The following ASRGL1 variants were observed in gnomAD, a reference collection of about 807,000 sequenced individuals.
ASRGL1 encodes isoaspartyl peptidase/L-asparaginase.
Under a neutral mutation model 22.4 loss-of-function variants are expected in ASRGL1, and 16 were observed. That is an observed-to-expected ratio of 0.71 (90% CI 0.48 to 1.08). The LOEUF is 1.08. Ranked by LOEUF, ASRGL1 falls within the 50% of genes least tolerant of loss-of-function variation. ASRGL1 has a pLI of 0.00. For missense variants in ASRGL1, 412 were observed against 410.1 expected, an observed-to-expected ratio of 1.00 and a Z score of -0.04; for synonymous variants, 165 against 159.3, an observed-to-expected ratio of 1.04 and a Z score of -0.27.
chr11:62,343,911 T>C (rs912246630), intron 2 of ASRGL1, among the ~76,000 whole-genome samples: 1 of 146,428 alleles, frequency 6.8e-6, no homozygotes, highest in Non-Finnish European at 1.5e-5. Context: ...TTTTTTGTCA[T>C]GCATTTCTTT....
chr11:62,355,142 T>A (rs1946250619), intron 2 of ASRGL1, among the ~76,000 whole-genome samples: 1 of 152,114 alleles, frequency 6.6e-6, no homozygotes, highest in South Asian at 2.1e-4. Flanking sequence ...GGTCTCAAAC[T>A]TCTGACCTCG....
chr11:62,378,146 A>G (rs1382551632), intron 4 of ASRGL1, among the ~76,000 whole-genome samples: 1 of 152,136 alleles, frequency 6.6e-6, no homozygotes, highest in African/African-American at 2.4e-5. Context: ...AAGTCATTTA[A>G]TGTTTTTAAT....
In ASRGL1 at chr11:62,392,399, G is replaced by A. The variant is rs553234061; in HGVS notation, c.*115G>A. The A allele has an allele frequency of 1.2e-5, 15 of 1,266,534 alleles. No homozygotes were observed. The South Asian group carries it at 1.9e-4, about 16-fold the overall frequency. 78.5% of individuals were successfully genotyped at this position (1,266,534 alleles called of 1,614,324 possible). The stretch of plus-strand genomic sequence containing the variant: ...GGAAAAATTGTCCCGTCTGTCACTT[G>A]TTTTGTTGCCTTAATAAGCATCTGA... On this transcript the variant is annotated 3_prime_UTR_variant, in exon 7 of 7. Coordinates refer to ENST00000415229, the MANE Select transcript of ASRGL1 (RefSeq NM_001083926.2).
At chr11:62,345,090 A>G (rs1422778318) in intron 2 of ASRGL1, among the ~76,000 whole-genome samples, 1 of 152,162 alleles carries the variant, frequency 6.6e-6, no homozygotes, top group Non-Finnish European at 1.5e-5. Context: ...CATTGTGTAT[A>G]TGTATCATTT....
chr11:62,372,637 T>TAA, intron 4 of ASRGL1: 1 of 916,646 alleles, frequency 1.1e-6, no homozygotes, highest in Non-Finnish European at 1.8e-6. Context: ...CACATGCTGG[T>TAA]CCTGGACTCC....
At chr11:62,400,966 C>T in the ASRGL1 span, among the ~76,000 whole-genome samples, 3 of 152,224 alleles carry the variant, frequency 2.0e-5, no homozygotes, top group African/African-American at 7.2e-5. Flanking sequence ...TATGTGGCCT[C>T]TGCGCCCCGC....
Position 62,338,058 on chromosome 11 carries a change from G to A in ASRGL1, c.81G>A (p.Met27Ile). The part of the protein sequence containing the change: ...KDRKERVHQG[M>I]VRAATVGYGI... ...GGAAGGAGCGAGTGCACCAGGGCAT[G>A]GTCAGAGCCGCCACCGTGGGCTACG... The change falls in exon 2 of 7, where the codon ATG becomes ATA. Residue 27 changes from methionine to isoleucine, a missense_variant. Transcript: ENST00000415229. The A allele has an allele frequency of 6.2e-7, 1 of 1,608,064 alleles. No individual in the cohort carries two copies. Among genetic ancestry groups the A allele is most frequent in the Non-Finnish European group, 8.5e-7 (1 of 1,177,762 alleles).
rs370823906 is a variant in ASRGL1, at chr11:62,391,550, C to T, written c.639C>T (p.Ile213=). The T allele has an allele frequency of 5.0e-6, 8 of 1,612,168 alleles. 1 individual carries two copies. The highest frequency in any genetic ancestry group is 3.3e-5 in the South Asian group (3 of 90,572). Residue 213 remains isoleucine (I), a synonymous_variant, in exon 6 of 7, where the codon ATC becomes ATT. Coordinates refer to ENST00000415229, the MANE Select transcript of ASRGL1 (RefSeq NM_001083926.2). ...CTGGAGGTTATGCCGACAATGACAT[C>T]GGAGCCGTCTCAACCACAGGGCATG... The part of the protein sequence containing the change: ...LGAGGYADND[I]GAVSTTGHGE...
chr11:62,347,844 T>C (rs577115021), intron 2 of ASRGL1, among the ~76,000 whole-genome samples: 30 of 152,268 alleles, frequency 2.0e-4, no homozygotes, highest in African/African-American at 6.5e-4. Context: ...GGAGAATTGC[T>C]TGAACCCAGG....
At chr11:62,341,435 A>G (rs1364895463) in intron 2 of ASRGL1, among the ~76,000 whole-genome samples, 6 of 152,034 alleles carry the variant, frequency 3.9e-5, no homozygotes, top group Non-Finnish European at 7.4e-5. Context: ...TCCTGACTTC[A>G]TGATCCGCCC....
At chr11:62,356,034 C>A (rs1417163938) in intron 2 of ASRGL1, among the ~76,000 whole-genome samples, 1 of 152,256 alleles carries the variant, frequency 6.6e-6, no homozygotes, top group Non-Finnish European at 1.5e-5. Context: ...TCTACACAGA[C>A]ACGGCAACCA....
intron 4 of ASRGL1, among the ~76,000 whole-genome samples, chr11:62,358,887 G>A (rs1272313235): frequency 6.6e-6 from 1 of 152,180 alleles, no homozygotes; most frequent in Non-Finnish European, 1.5e-5. Flanking sequence ...AAGGACTTAG[G>A]TAAGAGAAAA....
chr11:62,361,481 A>ATTT lies in ASRGL1; in HGVS notation c.491+4360_491+4362dup, dbSNP rs35345092. Among the ~76,000 whole-genome samples the ATTT allele has an allele frequency of 3.1e-3, 311 of 101,854 alleles. 5 individuals are homozygous for ATTT. The highest frequency in any genetic ancestry group is 0.01 in the African/African-American group (232 of 22,654). The allele number at this position is 101,854 out of a possible 152,430, so 66.8% of individuals were successfully genotyped here. On this transcript the variant is annotated intron_variant, in intron 4 of 6. Transcript: ENST00000415229. ...TTTGGTGAGCCACCAAACCTGGCCA[A>ATTT]TTTTTTTTTTTTTTTTTTTTTTTTT...
At chr11:62,387,059 ATT>A (rs55647741) in intron 4 of ASRGL1, among the ~76,000 whole-genome samples, 99 of 143,626 alleles carry the variant, frequency 6.9e-4, no homozygotes, top group Middle Eastern at 3.5e-3. Context: ...CACTTAGCTA[ATT>A]TTTTTTTTTT....
chr11:62,401,189 T>C, the ASRGL1 span, among the ~76,000 whole-genome samples: 1 of 152,232 alleles, frequency 6.6e-6, no homozygotes, highest in African/African-American at 2.4e-5. Context: ...TGTGCCTGTT[T>C]TTCAGATGAG....
intron 2 of ASRGL1, among the ~76,000 whole-genome samples, chr11:62,356,103 T>C (rs1946286087): frequency 6.6e-6 from 1 of 152,076 alleles, no homozygotes; most frequent in African/African-American, 2.4e-5. Context: ...AAACCGCCAT[T>C]GTCATCATGG....
At chr11:62,380,469 A>G (rs1229601570) in intron 4 of ASRGL1, among the ~76,000 whole-genome samples, 1 of 151,952 alleles carries the variant, frequency 6.6e-6, no homozygotes, top group Non-Finnish European at 1.5e-5. Flanking sequence ...CAATGGCCTC[A>G]TTTTGCATTA....
rs1947332426 is a variant in ASRGL1 at position 62,391,406 on chromosome 11, C to T, written c.611-116C>T. ...CCGCAGATCATGGCTACTAACCTGACCTTTGTCGGTACTTGAGCACCCTTC... is the reference window on the plus strand; with the variant it reads ...CCGCAGATCATGGCTACTAACCTGATCTTTGTCGGTACTTGAGCACCCTTC... On this transcript the variant is annotated intron_variant, in intron 5 of 6. Coordinates refer to ENST00000415229, the MANE Select transcript of ASRGL1 (RefSeq NM_001083926.2). 2.1e-6 allele frequency: 3 copies of T among 1,410,920 alleles called. No homozygotes were observed. In the South Asian group the frequency reaches 4.3e-5, roughly 20 times the overall value. 87.4% of individuals were successfully genotyped at this position (1,410,920 alleles called of 1,614,324 possible). A position where few individuals can be genotyped will look rare whatever the true frequency, so the allele number is the denominator to read the frequency against.
intron 4 of ASRGL1, chr11:62,371,433 G>C: frequency 1.7e-6 from 1 of 582,878 alleles, no homozygotes; most frequent in East Asian, 3.1e-5. Flanking sequence ...AACTTGAGAC[G>C]TGCTGTGTTT....
Sources: allele counts gnomAD v4.1 joint callset (sites outside exome capture counted in the v4.1 genomes callset), GRCh38; gene constraint gnomAD v4.1.1; transcripts MANE v1.5; gene names NCBI Gene and HGNC (gene_info 2026-07-23, HGNC 2026-07-21).